The following R3HCC1L variants were observed in gnomAD, a reference collection of about 807,000 sequenced individuals.
The protein encoded by R3HCC1L is coiled-coil domain-containing protein R3HCC1L.
R3HCC1L carries 51 observed loss-of-function variants against 59.9 expected under a neutral mutation model. That is an observed-to-expected ratio of 0.85 (90% CI 0.68 to 1.07). The LOEUF is 1.07. Ranked by LOEUF, R3HCC1L falls within the 50% of genes least tolerant of loss-of-function variation. R3HCC1L has a pLI of 0.00. For synonymous variants in R3HCC1L, 322 were observed against 315.2 expected (o/e 1.02, Z -0.23); for missense variants, 965 against 933.0 (o/e 1.03, Z -0.45).
chr10:98,219,947 A>G (rs1854673160), intron 5 of R3HCC1L, among the ~76,000 whole-genome samples: 1 of 152,126 alleles, frequency 6.6e-6, no homozygotes, highest in African/African-American at 2.4e-5. Context: ...GGACATTTTC[A>G]GCTGTTACTT....
chr10:98,152,163 C>G (rs563448651), intron 1 of R3HCC1L, among the ~76,000 whole-genome samples: 3 of 152,342 alleles, frequency 2.0e-5, no homozygotes, highest in East Asian at 1.9e-4. Flanking sequence ...CTGTGTTGGC[C>G]GGGCTGGTCT....
chr10:98,192,090 G>T (rs1411817744), intron 4 of R3HCC1L, among the ~76,000 whole-genome samples: 2 of 152,076 alleles, frequency 1.3e-5, no homozygotes, highest in African/African-American at 2.4e-5. Flanking sequence ...CTCCCAAAGT[G>T]CTGGGATTAT....
chr10:98,163,835 A>G (rs989437695), intron 4 of R3HCC1L, among the ~76,000 whole-genome samples: 1 of 152,262 alleles, frequency 6.6e-6, no homozygotes, highest in Non-Finnish European at 1.5e-5. Context: ...GTAAAGTATT[A>G]TAAAACAGAA....
rs1369398460 is a variant in R3HCC1L, at chr10:98,152,915, C to T, written c.-267-3178C>T. 3.7e-4 allele frequency among the ~76,000 whole-genome samples: 56 copies of T among 150,994 alleles called. 1 individual carries two copies. The highest frequency in any genetic ancestry group is 1.5e-5 in the Non-Finnish European group (1 of 67,742). On this transcript the variant is annotated intron_variant, in intron 1 of 9. Coordinates refer to ENST00000298999, the MANE Select transcript of R3HCC1L (RefSeq NM_001351015.2). ...GAGGGAGGAGGGGGGTCAGCCCCTG[C>T]CCGGCCAGTCGCCCTGTCCGGGAGA...
chr10:98,163,998 T>C (rs191535430), intron 4 of R3HCC1L, among the ~76,000 whole-genome samples: 62 of 152,282 alleles, frequency 4.1e-4, no homozygotes, highest in African/African-American at 1.5e-3. Context: ...GTGAGAGGCT[T>C]TCTTACTCAC....
intron 4 of R3HCC1L, among the ~76,000 whole-genome samples, chr10:98,164,672 C>T (rs1445626828): frequency 6.6e-6 from 1 of 152,098 alleles, no homozygotes; most frequent in Admixed American, 6.5e-5. Context: ...CACAAGAGTA[C>T]TTCTCAAGTC....
At chr10:98,187,206 G>A (rs963877618) in intron 4 of R3HCC1L, among the ~76,000 whole-genome samples, 2 of 151,598 alleles carry the variant, frequency 1.3e-5, no homozygotes, top group Admixed American at 1.3e-4. Context: ...TTTTGATTTT[G>A]ATTTTTTTTT....
At chr10:98,234,623 GTAGGTAA>G in intron 7 of R3HCC1L, 107 bp downstream of exon 7, 1 of 1,145,354 alleles carries the variant, frequency 8.7e-7, no homozygotes, top group Admixed American at 2.0e-5. Flanking sequence ...TTCAGCCAGT[GTAGGTAA>G]TAGGGCAGTT....
At chr10:98,148,638 G>C (rs1393494750) in intron 1 of R3HCC1L, among the ~76,000 whole-genome samples, 1 of 152,112 alleles carries the variant, frequency 6.6e-6, no homozygotes, top group Admixed American at 6.5e-5. Context: ...CTATAAAAGT[G>C]ATCATAGGGT....
chr10:98,228,426 G>A (rs1006017962), intron 5 of R3HCC1L, among the ~76,000 whole-genome samples: 2 of 151,974 alleles, frequency 1.3e-5, no homozygotes, highest in Non-Finnish European at 2.9e-5. Flanking sequence ...TTGTTGATGG[G>A]GTTTTTGTTT....
chr10:98,187,730 C>CTT (rs755546581), intron 4 of R3HCC1L, among the ~76,000 whole-genome samples: 2,737 of 95,112 alleles, frequency 0.029, 100 homozygotes, highest in African/African-American at 0.082. Context: ...TGTAACAATT[C>CTT]TTTTTTTTTT....
At chr10:98,140,797 A>C (rs1845061970) in intron 1 of R3HCC1L, among the ~76,000 whole-genome samples, 2 of 152,228 alleles carry the variant, frequency 1.3e-5, no homozygotes, top group South Asian at 4.1e-4. Context: ...GCAAATATCA[A>C]GTCAATTTAT....
At chr10:98,225,072 T>G (rs1276913499) in intron 5 of R3HCC1L, among the ~76,000 whole-genome samples, 1 of 152,230 alleles carries the variant, frequency 6.6e-6, no homozygotes, top group African/African-American at 2.4e-5. Flanking sequence ...TTTTTTTGTA[T>G]TAAGTCTTGA....
intron 4 of R3HCC1L, among the ~76,000 whole-genome samples, chr10:98,190,751 C>T (rs1000301865): frequency 1.3e-5 from 2 of 152,072 alleles, no homozygotes; most frequent in African/African-American, 2.4e-5. Flanking sequence ...TTTGCTTCAC[C>T]CATCAAATTA....
chr10:98,226,756 G>C (rs1005731896), intron 5 of R3HCC1L, among the ~76,000 whole-genome samples: 5 of 152,222 alleles, frequency 3.3e-5, no homozygotes, highest in South Asian at 2.1e-4. Context: ...CCTGGCCTCT[G>C]AGTTATTCCA....
intron 8 of R3HCC1L, 102 bp downstream of exon 8, chr10:98,235,622 T>C (rs1856846825): frequency 3.5e-6 from 3 of 858,000 alleles, no homozygotes; most frequent in Non-Finnish European, 5.3e-6. Context: ...ATCACTTTTA[T>C]TTTTAGTGTT....
chr10:98,166,188 AC>A (rs1028248294), intron 4 of R3HCC1L, among the ~76,000 whole-genome samples: 2 of 151,804 alleles, frequency 1.3e-5, no homozygotes, highest in Admixed American at 1.3e-4. Flanking sequence ...AAACAAACAA[AC>A]CAAGAAGAAG....
At chr10:98,185,995 G>A (rs1850191533) in intron 4 of R3HCC1L, among the ~76,000 whole-genome samples, 2 of 152,274 alleles carry the variant, frequency 1.3e-5, no homozygotes, top group South Asian at 2.1e-4. Context: ...AAGATCAGTG[G>A]AACTTTTCCA....
At chr10:98,178,541 A>G (rs928528641) in intron 4 of R3HCC1L, among the ~76,000 whole-genome samples, 1 of 152,214 alleles carries the variant, frequency 6.6e-6, no homozygotes, top group Non-Finnish European at 1.5e-5. Flanking sequence ...TGTCTTGGCA[A>G]TGCGGGCTCT....
Sources: allele counts gnomAD v4.1 joint callset (sites outside exome capture counted in the v4.1 genomes callset), GRCh38; gene constraint gnomAD v4.1.1; transcripts MANE v1.5; gene names NCBI Gene and HGNC (gene_info 2026-07-23, HGNC 2026-07-21).